CAST: variants seen among roughly 807,000 people sequenced by gnomAD.
The protein encoded by CAST is calpastatin.
Under a neutral mutation model 119.6 loss-of-function variants are expected in CAST, and 76 were observed. The observed-to-expected ratio is 0.64, with a 90% CI of 0.53 to 0.77. The LOEUF is 0.77. Among genes scored for constraint, CAST ranks in the 30% least tolerant of loss-of-function variants. The pLI is 0.00. For missense variants in CAST, 953 were observed against 946.5 expected (o/e 1.01, Z -0.09); for synonymous variants, 319 against 331.6 (o/e 0.96, Z 0.41).
At chr5:96,560,971 G>A (rs767893706) in intron 1 of CAST, among the ~76,000 whole-genome samples, 16 of 152,182 alleles carry the variant, frequency 1.1e-4, no homozygotes, top group Non-Finnish European at 1.0e-4. Flanking sequence ...AACAATGATA[G>A]ACTGGATTAA....
chr5:96,410,707 G>T, the CAST span: 1 of 1,255,400 alleles, frequency 8.0e-7, no homozygotes, highest in Non-Finnish European at 1.2e-6. Flanking sequence ...GTCAGTTAGG[G>T]GAATCATTTC....
the CAST span, among the ~76,000 whole-genome samples, chr5:96,466,319 G>A: frequency 2.6e-5 from 4 of 152,026 alleles, no homozygotes; most frequent in African/African-American, 4.8e-5. Context: ...TTCCATTTGG[G>A]GTTGCTTCCA....
At chr5:96,705,438 T>G (rs1754760997) in intron 3 of CAST, among the ~76,000 whole-genome samples, 1 of 152,208 alleles carries the variant, frequency 6.6e-6, no homozygotes, top group South Asian at 2.1e-4. Flanking sequence ...TTACATCTCC[T>G]AAGACTTGAT....
the CAST span, among the ~76,000 whole-genome samples, chr5:96,270,148 C>T: frequency 6.6e-6 from 1 of 152,076 alleles, no homozygotes; most frequent in Non-Finnish European, 1.5e-5. Flanking sequence ...ACCGTATAAT[C>T]ATTTCAATAG....
At chr5:96,394,940 T>C in the CAST span, 1 of 1,614,062 alleles carries the variant, frequency 6.2e-7, no homozygotes, top group Non-Finnish European at 8.5e-7. Context: ...CACACGAGGC[T>C]GCTTCATATG....
At chr5:96,736,762 A>G (rs1366018863) in intron 10 of CAST, among the ~76,000 whole-genome samples, 1 of 152,212 alleles carries the variant, frequency 6.6e-6, no homozygotes, top group Non-Finnish European at 1.5e-5. Flanking sequence ...TTCTCCTTTC[A>G]ATGCAGGTTA....
intron 13 of CAST, 138 bp downstream of exon 13, chr5:96,740,921 G>A (rs970914254): frequency 1.8e-5 from 12 of 663,170 alleles, no homozygotes; most frequent in African/African-American, 3.6e-5. Flanking sequence ...TGTGTTCAGA[G>A]AAAGGGGTTG....
the CAST span, chr5:96,429,090 T>G: frequency 1.6e-6 from 1 of 640,688 alleles, no homozygotes; most frequent in Non-Finnish European, 2.8e-6. Context: ...ATAATACAGA[T>G]AAACAATCTT....
intron 1 of CAST, among the ~76,000 whole-genome samples, chr5:96,612,190 C>G (rs1282148164): frequency 6.6e-6 from 1 of 152,104 alleles, no homozygotes; most frequent in Non-Finnish European, 1.5e-5. Context: ...ATGGTGCCCA[C>G]TAATGGTGGC....
chr5:96,084,823 C>T, the CAST span, among the ~76,000 whole-genome samples: 1 of 152,116 alleles, frequency 6.6e-6, no homozygotes, highest in Non-Finnish European at 1.5e-5. Context: ...CAGGGTAAAC[C>T]TGAATGTACC....
At chr5:96,002,975 C>T in the CAST span, among the ~76,000 whole-genome samples, 1 of 152,168 alleles carries the variant, frequency 6.6e-6, no homozygotes, top group Non-Finnish European at 1.5e-5. Flanking sequence ...GTAGCTCATG[C>T]CTGTAATCCC....
At chr5:96,433,022 A>G in the CAST span, 2 of 1,614,064 alleles carry the variant, frequency 1.2e-6, no homozygotes, top group Non-Finnish European at 1.7e-6. Flanking sequence ...TGCACTGCAG[A>G]CTCCAGGCTC....
intron 1 of CAST, among the ~76,000 whole-genome samples, chr5:96,641,845 G>C (rs1402579075): frequency 6.6e-6 from 1 of 152,156 alleles, no homozygotes; most frequent in African/African-American, 2.4e-5. Context: ...ACTTTGCCCA[G>C]CATTGTATAA....
At chr5:96,475,874 C>T in the CAST span, among the ~76,000 whole-genome samples, 8 of 152,202 alleles carry the variant, frequency 5.3e-5, no homozygotes, top group East Asian at 1.9e-4. Flanking sequence ...ACGGGTCACC[C>T]GTGCAGGCAA....
intron 1 of CAST, among the ~76,000 whole-genome samples, chr5:96,650,534 A>G (rs930256553): frequency 6.6e-6 from 1 of 152,216 alleles, no homozygotes; most frequent in African/African-American, 2.4e-5. Flanking sequence ...TCTAGAAATT[A>G]TACATTGTAA....
At chr5:96,539,065 C>G (rs1241256588) in intron 1 of CAST, among the ~76,000 whole-genome samples, 1 of 152,200 alleles carries the variant, frequency 6.6e-6, no homozygotes, top group Non-Finnish European at 1.5e-5. Context: ...CAAATCCAGA[C>G]TATTCTCTCT....
the CAST span, among the ~76,000 whole-genome samples, chr5:95,998,128 T>A: frequency 6.6e-6 from 1 of 151,978 alleles, no homozygotes; most frequent in Non-Finnish European, 1.5e-5. Flanking sequence ...CCTTTTTTTT[T>A]AAATGACTGT....
chr5:96,145,287 T>C, the CAST span, among the ~76,000 whole-genome samples: 1 of 152,234 alleles, frequency 6.6e-6, no homozygotes, highest in African/African-American at 2.4e-5. Flanking sequence ...GTTTGGTTAC[T>C]ACATTTAGGG....
At chr5:96,302,329 G>A in the CAST span, among the ~76,000 whole-genome samples, 1 of 151,974 alleles carries the variant, frequency 6.6e-6, no homozygotes, top group Non-Finnish European at 1.5e-5. Context: ...ATAATAGGAG[G>A]GGCTGCACAA....
Sources: gnomAD v4.1 joint callset for allele counts (sites outside exome capture counted in the v4.1 genomes callset) on GRCh38, gnomAD v4.1.1 for gene constraint, MANE v1.5 for transcripts, NCBI Gene and HGNC (gene_info 2026-07-23, HGNC 2026-07-21) for gene names.